Variants in IGDCC3 observed in about 807,000 individuals in gnomAD.
IGDCC3 encodes putative neuronal cell adhesion molecule.
Under a neutral mutation model 72.0 loss-of-function variants are expected in IGDCC3, and 47 were observed. The observed-to-expected ratio is 0.65, with a 90% confidence interval of 0.52 to 0.83. The LOEUF (loss-of-function observed/expected upper bound fraction) is 0.83, where lower values mean the gene tolerates loss of function less well. IGDCC3 is among the 40% of genes least tolerant of loss of function. The pLI is 0.00. For missense variants in IGDCC3, 1,038 were observed against 1,091.3 expected, an observed-to-expected ratio of 0.95 and a Z score of 0.69; for synonymous variants, 477 against 472.8, an observed-to-expected ratio of 1.01 and a Z score of -0.11.
intron 4 of IGDCC3, 131 bp from the exon 5 acceptor site, chr15:65,334,996 A>G: frequency 9.0e-7 from 1 of 1,110,690 alleles, no homozygotes; most frequent in Non-Finnish European, 1.2e-6. Context: ...GGGCAGAGAG[A>G]TACCAGGAGA....
Position 65,328,981 on chromosome 15 carries a change from G to C in IGDCC3, c.2373C>G (p.Gly791=). 6.2e-7 allele frequency: 1 copy of C among 1,608,092 alleles called. No homozygotes were observed. Among genetic ancestry groups the C allele is most frequent in the Non-Finnish European group, 8.5e-7 (1 of 1,177,630 alleles). The change falls in exon 14 of 14, where the codon GGC becomes GGG. Residue 791 remains glycine (G), a synonymous_variant. Coordinates refer to ENST00000327987, the MANE Select transcript of IGDCC3 (RefSeq NM_004884.4). ...AAPPPPDGGP[G]LLSEGQASRP... is the part of the protein sequence containing the mutation. ...TGGAAGCCTGGCCTTCACTGAGGAGGCCAGGGCCTCCATCTGGGGGTGGTG... is the reference window on the plus strand; with the variant it reads ...TGGAAGCCTGGCCTTCACTGAGGAGCCCAGGGCCTCCATCTGGGGGTGGTG...
Position 65,377,943 on chromosome 15 carries a change from C to T in IGDCC3, c.-155G>A, listed in dbSNP as rs961235160. ...CTGGGGCCGCATGCCTGCTCAGCAGCGCGGGGGGCGCAGGGGGAGCGCCGC... is the reference window on the plus strand; with the variant it reads ...CTGGGGCCGCATGCCTGCTCAGCAGTGCGGGGGGCGCAGGGGGAGCGCCGC... On this transcript the variant is annotated 5_prime_UTR_variant, in exon 1 of 14. Transcript: ENST00000327987. This position sits in a 1 kb window ranked among gnomAD's most constrained non-coding sequence, Gnocchi z 4.9. The T allele has an allele frequency of 1.4e-4, 91 of 655,554 alleles. No individual in the cohort carries two copies. Among genetic ancestry groups the T allele is most frequent in the Non-Finnish European group, 1.6e-4 (86 of 523,858 alleles). The allele number at this position is 655,554 out of a possible 1,614,324, so 40.6% of individuals were successfully genotyped here. A position where few individuals can be genotyped will look rare whatever the true frequency, so the allele number is the denominator to read the frequency against.
At chr15:65,355,655 G>GCCCCCC in intron 2 of IGDCC3, 3 of 257,660 alleles carry the variant, frequency 1.2e-5, no homozygotes, top group Non-Finnish European at 1.6e-5. Context: ...CGACGCGGGC[G>GCCCCCC]TCCCGCCCCC....
At chr15:65,372,781 C>T (rs1324328416) in intron 2 of IGDCC3, among the ~76,000 whole-genome samples, 4 of 152,176 alleles carry the variant, frequency 2.6e-5, no homozygotes, top group Non-Finnish European at 5.9e-5. Flanking sequence ...GGCACACGGG[C>T]AGGGAGTTAT....
chr15:65,376,803 G>A (rs2091361940), intron 1 of IGDCC3, among the ~76,000 whole-genome samples: 1 of 152,204 alleles, frequency 6.6e-6, no homozygotes, highest in African/African-American at 2.4e-5. Context: ...TGGGAGAGGA[G>A]TGGAGAGAGA....
chr15:65,340,468 C>T (rs1263303229), intron 2 of IGDCC3, among the ~76,000 whole-genome samples: 3 of 152,124 alleles, frequency 2.0e-5, no homozygotes, highest in Non-Finnish European at 2.9e-5. Flanking sequence ...TCTGAGGTGC[C>T]GGCTGTCCCC....
chr15:65,374,334 G>A (rs2140174587), intron 2 of IGDCC3, among the ~76,000 whole-genome samples: 1 of 152,174 alleles, frequency 6.6e-6, no homozygotes, highest in African/African-American at 2.4e-5. Flanking sequence ...GAGAATTTTG[G>A]TTTATGCAAC....
At chr15:65,363,460 A>G (rs2091273115) in intron 2 of IGDCC3, among the ~76,000 whole-genome samples, 3 of 152,104 alleles carry the variant, frequency 2.0e-5, no homozygotes, top group Admixed American at 6.5e-5. Context: ...GTGGTCCCCT[A>G]TTCTTGGCTG....
intron 2 of IGDCC3, among the ~76,000 whole-genome samples, chr15:65,369,495 T>G (rs746896667): frequency 6.6e-6 from 1 of 152,122 alleles, no homozygotes; most frequent in African/African-American, 2.4e-5. Context: ...ACCTATGAGC[T>G]GAGGCTGGGT....
chr15:65,370,588 GTATATA>G lies in IGDCC3; in HGVS notation c.409+4503_409+4508del, dbSNP rs1453455277. 1.8e-4 allele frequency among the ~76,000 whole-genome samples: 20 copies of G among 112,766 alleles called. 1 individual carries two copies. The highest frequency in any genetic ancestry group is 6.5e-4 in the African/African-American group (19 of 29,182). The allele number at this position is 112,766 out of a possible 152,430, so 74.0% of individuals were successfully genotyped here. On this transcript the variant is annotated intron_variant, in intron 2 of 13. Transcript: ENST00000327987. ...TATATATGTATGTATATATATGTAT[GTATATA>G]TATGTATGTGTATATATATGTATGT...
chr15:65,357,370 T>C (rs1343589209), intron 2 of IGDCC3, among the ~76,000 whole-genome samples: 1 of 152,206 alleles, frequency 6.6e-6, no homozygotes, highest in African/African-American at 2.4e-5. Context: ...GCTAAACCAA[T>C]AGCCCTTGGT....
rs368951705 is a variant in IGDCC3 at position 65,328,904 on chromosome 15, A to G, written c.*5T>C. On this transcript the variant is annotated 3_prime_UTR_variant, in exon 14 of 14. Coordinates refer to ENST00000327987, the MANE Select transcript of IGDCC3 (RefSeq NM_004884.4). ...GTCCACCCTCTGGAGCCTGCCAGAC[A>G]CTGGCTACTGTTCCGAGTGAGCTGG... 4.6e-6 allele frequency: 7 copies of G among 1,520,856 alleles called. No homozygotes were observed. In the African/African-American group the frequency reaches 9.8e-5, roughly 21 times the overall value. The allele number at this position is 1,520,856 out of a possible 1,614,324, so 94.2% of individuals were successfully genotyped here.
At chr15:65,369,824 G>A (rs1384056956) in intron 2 of IGDCC3, among the ~76,000 whole-genome samples, 1 of 152,026 alleles carries the variant, frequency 6.6e-6, no homozygotes, top group Non-Finnish European at 1.5e-5. Flanking sequence ...ATACCAGGCT[G>A]TACTCCCCAG....
chr15:65,366,831 A>G (rs1007636711), intron 2 of IGDCC3, among the ~76,000 whole-genome samples: 1 of 116,310 alleles, frequency 8.6e-6, no homozygotes, highest in South Asian at 2.5e-4. Flanking sequence ...CTCAACATCT[A>G]TCGTGAGTCC....
intron 3 of IGDCC3, 133 bp downstream of exon 3, chr15:65,335,679 T>G: frequency 9.4e-7 from 1 of 1,059,124 alleles, no homozygotes; most frequent in Non-Finnish European, 1.4e-6. Context: ...AAACTGTGGT[T>G]GCAGAAACAC....
At chr15:65,335,560 C>A (rs994280660) in intron 3 of IGDCC3, 139 bp from the exon 4 acceptor site, 4 of 957,140 alleles carry the variant, frequency 4.2e-6, no homozygotes, top group Admixed American at 2.2e-5. Flanking sequence ...CTGGGACTTT[C>A]AAAGGTGGAC....
chr15:65,366,974 T>C (rs1336811819), intron 2 of IGDCC3, among the ~76,000 whole-genome samples: 1 of 152,192 alleles, frequency 6.6e-6, no homozygotes, highest in African/African-American at 2.4e-5. Context: ...GGTTCTTTTG[T>C]GGGGATGGTG....
At chr15:65,347,933 T>C (rs937042871) in intron 2 of IGDCC3, among the ~76,000 whole-genome samples, 1 of 142,138 alleles carries the variant, frequency 7.0e-6, no homozygotes, top group Admixed American at 7.1e-5. Context: ...CGAAATTTCA[T>C]CTCAAACAAC....
At chr15:65,340,035 T>C (rs2091065711) in intron 2 of IGDCC3, among the ~76,000 whole-genome samples, 1 of 152,148 alleles carries the variant, frequency 6.6e-6, no homozygotes, top group African/African-American at 2.4e-5. Context: ...AGCACCGCCC[T>C]GCCCCCACCA....
Sources: allele counts gnomAD v4.1 joint callset (sites outside exome capture counted in the v4.1 genomes callset), GRCh38; gene constraint gnomAD v4.1.1; non-coding constraint Gnocchi (gnomAD v3.1); transcripts MANE v1.5; gene names NCBI Gene and HGNC (gene_info 2026-07-23, HGNC 2026-07-21).